The following RSPO4 variants were observed in gnomAD, a reference collection of about 807,000 sequenced individuals.
RSPO4 encodes R-spondin 4, also known as R-spondin-4.
In RSPO4, 23 loss-of-function variants were observed where a neutral mutation model predicts 24.8. The ratio of observed to expected loss-of-function variants is 0.93; its 90% CI spans 0.67 to 1.31. The LOEUF is 1.31. Among genes scored for constraint, RSPO4 ranks in the 40% most tolerant of loss-of-function variants. The pLI, the probability that RSPO4 is intolerant of heterozygous loss-of-function variation, is 0.00. For synonymous variants in RSPO4, 141 were observed against 127.4 expected (o/e 1.11, Z -0.72); for missense variants, 333 against 316.5 (o/e 1.05, Z -0.39).
chr20:967,287 AAG>A lies in RSPO4; in HGVS notation c.294_295del (p.Phe99GlnfsTer41). 2 of 1,614,234 alleles carry A rather than the reference AAG, an allele frequency of 1.2e-6. No individual in the cohort carries two copies. The highest frequency in any genetic ancestry group is 1.7e-6 in the Non-Finnish European group (2 of 1,180,038). On this transcript the variant is annotated frameshift_variant, in exon 3 of 5. Coordinates refer to ENST00000217260, the MANE Select transcript of RSPO4 (RefSeq NM_001029871.4). LOFTEE classifies it high-confidence loss of function. The stretch of plus-strand genomic sequence containing the variant: ...GCACCGGATGCAGAAGTCCTGGCTG[AAG>A]CAGCTCTCACAAGTGGCCCCACATT...
chr20:962,623 C>T (rs757117307), intron 4 of RSPO4, among the ~76,000 whole-genome samples: 1 of 152,170 alleles, frequency 6.6e-6, no homozygotes, highest in East Asian at 1.9e-4. Context: ...CCTCACCTGC[C>T]CAACATGACT....
At chr20:977,158 G>A (rs1171159558) in intron 1 of RSPO4, among the ~76,000 whole-genome samples, 5 of 152,204 alleles carry the variant, frequency 3.3e-5, no homozygotes, top group Non-Finnish European at 7.3e-5. Flanking sequence ...TTCACCTAGA[G>A]AGCCTGTTAA....
Position 970,740 on chromosome 20 carries a change from C to T in RSPO4, c.80-2602G>A, listed in dbSNP as rs896440486. 6.6e-6 allele frequency among the ~76,000 whole-genome samples: 1 copy of T among 152,180 alleles called. No individual in the cohort carries two copies. The highest frequency in any genetic ancestry group is 2.4e-5 in the African/African-American group (1 of 41,450). Reference sequence around the variant, plus strand: ...GCTGGCAAGAATGAGAGGAAACCTTCGCTTTTTCACCTTAGATAGGAGTGT... The same window carrying T: ...GCTGGCAAGAATGAGAGGAAACCTTTGCTTTTTCACCTTAGATAGGAGTGT... On this transcript the variant is annotated intron_variant, in intron 1 of 4. Transcript: ENST00000217260. The surrounding 1 kb of genome is among the most constrained non-coding windows in gnomAD (Gnocchi z 4.1).
intron 1 of RSPO4, among the ~76,000 whole-genome samples, chr20:985,993 C>T (rs1984908403): frequency 1.3e-5 from 2 of 152,230 alleles, no homozygotes; most frequent in Admixed American, 1.3e-4. Flanking sequence ...TGCATTGCCA[C>T]CATTTGACCA....
At chr20:988,486 G>A (rs1285409189) in intron 1 of RSPO4, among the ~76,000 whole-genome samples, 1 of 152,140 alleles carries the variant, frequency 6.6e-6, no homozygotes, top group Non-Finnish European at 1.5e-5. Context: ...AAGATTAAAG[G>A]GTAAGTGACT....
intron 1 of RSPO4, among the ~76,000 whole-genome samples, chr20:974,091 T>C (rs1984491030): frequency 6.6e-6 from 1 of 152,246 alleles, no homozygotes; most frequent in Non-Finnish European, 1.5e-5. Context: ...CAAGAGTCTG[T>C]AGAGTGCTGC....
intron 1 of RSPO4, among the ~76,000 whole-genome samples, chr20:972,715 A>G (rs1031403353): frequency 6.6e-6 from 1 of 152,194 alleles, no homozygotes; most frequent in Non-Finnish European, 1.5e-5. Flanking sequence ...TTTCTGACGC[A>G]CACATTGACT....
At chr20:969,899 T>G (rs1452483560) in intron 1 of RSPO4, among the ~76,000 whole-genome samples, 3 of 152,200 alleles carry the variant, frequency 2.0e-5, no homozygotes, top group Non-Finnish European at 4.4e-5. Flanking sequence ...AATCCGGTTA[T>G]ACACCTTGAT....
chr20:999,866 T>TTCG (rs1555797969), intron 1 of RSPO4, among the ~76,000 whole-genome samples: 2 of 151,976 alleles, frequency 1.3e-5, no homozygotes, highest in Non-Finnish European at 2.9e-5. Context: ...CCAGCTCCTT[T>TTCG]TTGTTGTTGT....
intron 3 of RSPO4, 44 bp from the exon 4 acceptor site, chr20:964,164 A>T: frequency 6.5e-7 from 1 of 1,532,514 alleles, no homozygotes; most frequent in Non-Finnish European, 8.9e-7. Context: ...AGACAGGGTC[A>T]GCCGGCAGTG....
intron 3 of RSPO4, among the ~76,000 whole-genome samples, chr20:965,208 T>G (rs1984156119): frequency 6.6e-6 from 1 of 151,770 alleles, no homozygotes; most frequent in African/African-American, 2.4e-5. Context: ...GCAGCATGGG[T>G]TGGGTTGTAG....
At chr20:974,824 C>A (rs1984512171) in intron 1 of RSPO4, among the ~76,000 whole-genome samples, 1 of 152,154 alleles carries the variant, frequency 6.6e-6, no homozygotes, top group Non-Finnish European at 1.5e-5. Context: ...GTCATCTGTG[C>A]ATGTGGATCC....
At chr20:988,768 C>T (rs562554692) in intron 1 of RSPO4, among the ~76,000 whole-genome samples, 1 of 152,212 alleles carries the variant, frequency 6.6e-6, no homozygotes, top group Non-Finnish European at 1.5e-5. Context: ...TCAGGCTGGT[C>T]TTGAACTCCT....
At chr20:991,223 G>C (rs1053109719) in intron 1 of RSPO4, among the ~76,000 whole-genome samples, 4 of 152,198 alleles carry the variant, frequency 2.6e-5, no homozygotes, top group African/African-American at 9.7e-5. Context: ...TTTCAGGCGA[G>C]AGTCAATGCA....
chr20:976,085 C>T (rs1984552885), intron 1 of RSPO4, among the ~76,000 whole-genome samples: 1 of 152,152 alleles, frequency 6.6e-6, no homozygotes, highest in Non-Finnish European at 1.5e-5. Flanking sequence ...TCTCTGTGGG[C>T]CTCAGTTTCC....
intron 1 of RSPO4, among the ~76,000 whole-genome samples, chr20:978,557 T>C (rs1157997208): frequency 6.6e-6 from 1 of 152,102 alleles, no homozygotes; most frequent in Non-Finnish European, 1.5e-5. Context: ...GGTGGCTCAA[T>C]AAAGGTTCTC....
chr20:982,896 T>C (rs750488953), intron 1 of RSPO4, among the ~76,000 whole-genome samples: 7 of 152,238 alleles, frequency 4.6e-5, no homozygotes, highest in Non-Finnish European at 8.8e-5. Context: ...GCTTCAGCTT[T>C]GGCTGAGTAG....
chr20:964,056 GC>G lies in RSPO4; in HGVS notation c.473del (p.Gly158AlafsTer68). The G allele has an allele frequency of 6.2e-7, 1 of 1,613,798 alleles. No homozygotes were observed. The highest frequency in any genetic ancestry group is 8.5e-7 in the Non-Finnish European group (1 of 1,180,034). The stretch of plus-strand genomic sequence containing the variant: ...CCCGGCTCTCCAGGCCCCAAGCCGA[GC>G]CGCAGGTCTTTCCATTGTGTGTGCA... ...SPCTHNGKTC[G>X]SAWGLESRVR... On this transcript the variant is annotated frameshift_variant, in exon 4 of 5. Coordinates refer to ENST00000217260, the MANE Select transcript of RSPO4 (RefSeq NM_001029871.4). LOFTEE classifies it high-confidence loss of function.
intron 1 of RSPO4, 109 bp downstream of exon 1, chr20:1,001,977 G>A: frequency 5.7e-6 from 5 of 873,400 alleles, no homozygotes; most frequent in Non-Finnish European, 9.0e-6. Context: ...GAAGGACCCA[G>A]GGCGCCAGGC....
Sources: gnomAD v4.1 joint callset for allele counts (sites outside exome capture counted in the v4.1 genomes callset) on GRCh38, gnomAD v4.1.1 for gene constraint, Gnocchi (gnomAD v3.1) non-coding constraint, MANE v1.5 for transcripts, NCBI Gene and HGNC (gene_info 2026-07-23, HGNC 2026-07-21) for gene names.